Variants in NAALADL2 observed in about 807,000 individuals in gnomAD.
NAALADL2 encodes N-acetylated alpha-linked acidic dipeptidase like 2, also known as inactive N-acetylated-alpha-linked acidic dipeptidase-like protein 2.
NAALADL2 carries 76 observed loss-of-function variants against 87.2 expected under a neutral mutation model. That is an observed-to-expected ratio of 0.87 (90% CI 0.72 to 1.05). The LOEUF (loss-of-function observed/expected upper bound fraction) is 1.05. Among genes scored for constraint, NAALADL2 ranks in the 50% least tolerant of loss-of-function variants. The pLI is 0.00. For synonymous variants in NAALADL2, 354 were observed against 331.0 expected (o/e 1.07, Z -0.75); for missense variants, 1,089 against 945.8 (o/e 1.15, Z -1.99).
chr3:175,681,012 G>T (rs1052544280), intron 11 of NAALADL2, among the ~76,000 whole-genome samples: 3 of 152,024 alleles, frequency 2.0e-5, no homozygotes, highest in African/African-American at 4.8e-5. Flanking sequence ...ACTCAGAAGG[G>T]TGAAGCAGGG....
intron 1 of NAALADL2, among the ~76,000 whole-genome samples, chr3:174,927,259 G>T (rs1469191989): frequency 1.3e-5 from 2 of 152,036 alleles, no homozygotes; most frequent in Non-Finnish European, 2.9e-5. Context: ...AATAATAATG[G>T]GAGAATTTAA....
intron 11 of NAALADL2, among the ~76,000 whole-genome samples, chr3:175,709,268 T>C (rs1342358334): frequency 1.3e-5 from 2 of 152,112 alleles, no homozygotes; most frequent in East Asian, 1.9e-4. Context: ...ATAGTTTCCA[T>C]AGATAAACAT....
At chr3:175,318,618 A>G (rs1031345525) in intron 4 of NAALADL2, among the ~76,000 whole-genome samples, 1 of 152,198 alleles carries the variant, frequency 6.6e-6, no homozygotes, top group Non-Finnish European at 1.5e-5. Context: ...ACATTCATTT[A>G]TTTACAAACA....
chr3:175,270,214 G>C (rs1752614597), intron 4 of NAALADL2, among the ~76,000 whole-genome samples: 1 of 152,162 alleles, frequency 6.6e-6, no homozygotes, highest in Non-Finnish European at 1.5e-5. Context: ...TTTATGTGGA[G>C]AGTGTTTCAG....
At chr3:175,368,596 T>TGTGC (rs397838105) in intron 5 of NAALADL2, among the ~76,000 whole-genome samples, 1 of 151,574 alleles carries the variant, frequency 6.6e-6, no homozygotes, top group South Asian at 2.1e-4. Flanking sequence ...TGTGTGTGTG[T>TGTGC]TTATAGCCAG....
chr3:174,445,928 T>C (rs1715022264), intron 1 of NAALADL2, among the ~76,000 whole-genome samples: 1 of 152,188 alleles, frequency 6.6e-6, no homozygotes, highest in Admixed American at 6.5e-5. Context: ...ATTCATTGCT[T>C]AATTTGTTTG....
chr3:174,968,842 T>C (rs539912019), intron 1 of NAALADL2, among the ~76,000 whole-genome samples: 1 of 152,274 alleles, frequency 6.6e-6, no homozygotes, highest in East Asian at 1.9e-4. Context: ...TCCCAAAGTT[T>C]TCATTTGTGA....
intron 1 of NAALADL2, among the ~76,000 whole-genome samples, chr3:174,976,822 A>T (rs907482576): frequency 4.9e-4 from 75 of 152,208 alleles, no homozygotes; most frequent in African/African-American, 1.7e-3. Flanking sequence ...GATGACATAA[A>T]TATAAGTAGA....
chr3:174,852,579 G>A (rs1725372308), intron 3 of NAALADL2, among the ~76,000 whole-genome samples: 1 of 151,934 alleles, frequency 6.6e-6, no homozygotes, highest in African/African-American at 2.4e-5. Context: ...CAAAAACATG[G>A]AAAGATACTC....
intron 2 of NAALADL2, among the ~76,000 whole-genome samples, chr3:174,611,190 A>C (rs1719829023): frequency 6.6e-6 from 1 of 151,014 alleles, no homozygotes; most frequent in African/African-American, 2.4e-5. Context: ...GGGGAGGGAT[A>C]GCATTAGGAG....
chr3:174,797,298 C>CTTTTTTGTTTTTTTTTTTTTTTTTTTTTT (rs765233495), intron 3 of NAALADL2, among the ~76,000 whole-genome samples: 1 of 97,728 alleles, frequency 1.0e-5, no homozygotes, highest in Non-Finnish European at 1.9e-5. Flanking sequence ...TTTTGTTTTT[C>CTTTTTTGTTTTTTTTTTTTTTTTTTTTTT]TTTTTTCTTT....
At position 174,561,876 on chromosome 3, in the gene NAALADL2, T is replaced by A. The variant is rs78728731; in HGVS notation, c.-115+11239T>A. Among the ~76,000 whole-genome samples, 796 of 152,326 alleles carry A rather than the reference T, an allele frequency of 5.2e-3. 3 individuals are homozygous for A. The highest frequency in any genetic ancestry group is 0.018 in the African/African-American group (761 of 41,570). On this transcript the variant is annotated intron_variant, in intron 2 of 3. Coordinates refer to the NAALADL2 transcript ENST00000434257. ...TGCTGACATTTTCTCTTTAATAAGT[T>A]GGACTTAAAGTATAGCTCTTCAAGT...
chr3:175,112,835 A>G (rs1724430711), intron 2 of NAALADL2, among the ~76,000 whole-genome samples: 2 of 151,654 alleles, frequency 1.3e-5, no homozygotes, highest in Admixed American at 6.6e-5. Flanking sequence ...CAAAGATTGT[A>G]GGAGAGAAGC....
chr3:174,791,944 G>A (rs1717504155), intron 3 of NAALADL2, among the ~76,000 whole-genome samples: 1 of 152,054 alleles, frequency 6.6e-6, no homozygotes, highest in African/African-American at 2.4e-5. Flanking sequence ...AGGTATGGCT[G>A]ACACCTGTAA....
At chr3:175,015,878 CATT>C (rs1435059644) in intron 1 of NAALADL2, among the ~76,000 whole-genome samples, 1 of 151,782 alleles carries the variant, frequency 6.6e-6, no homozygotes, top group African/African-American at 2.4e-5. Flanking sequence ...ATCAAAATAT[CATT>C]GTAACATTAA....
At chr3:175,371,419 C>T (rs1581624845) in intron 5 of NAALADL2, among the ~76,000 whole-genome samples, 1 of 152,070 alleles carries the variant, frequency 6.6e-6, no homozygotes, top group South Asian at 2.1e-4. Context: ...AGGCGCCCGC[C>T]ACCGCGCCCG....
chr3:174,445,332 G>A (rs980347141), intron 1 of NAALADL2, among the ~76,000 whole-genome samples: 3 of 152,038 alleles, frequency 2.0e-5, no homozygotes, highest in Non-Finnish European at 2.9e-5. Context: ...TCAGGAGTAC[G>A]TCTCATTAGT....
intron 1 of NAALADL2, among the ~76,000 whole-genome samples, chr3:174,468,445 A>G (rs1303593920): frequency 6.9e-6 from 1 of 145,056 alleles, no homozygotes; most frequent in East Asian, 2.1e-4. Flanking sequence ...CAGTGGCAAG[A>G]TCTTGGCTCA....
intron 4 of NAALADL2, among the ~76,000 whole-genome samples, chr3:175,269,784 GTTTA>G (rs1274241586): frequency 6.6e-6 from 1 of 151,588 alleles, no homozygotes; most frequent in African/African-American, 2.4e-5. Context: ...CTCGCAGTTT[GTTTA>G]TTTATTTGTG....
Sources: gnomAD v4.1 joint callset for allele counts (sites outside exome capture counted in the v4.1 genomes callset) on GRCh38, gnomAD v4.1.1 for gene constraint, MANE v1.5 for transcripts, NCBI Gene and HGNC (gene_info 2026-07-23, HGNC 2026-07-21) for gene names.